The following ARHGAP26 variants were observed in gnomAD, a reference collection of about 807,000 sequenced individuals.
The protein encoded by ARHGAP26 is rho GTPase-activating protein 26.
Under a neutral mutation model 104.8 loss-of-function variants are expected in ARHGAP26, and 38 were observed. The ratio of observed to expected loss-of-function variants is 0.36; its 90% CI spans 0.28 to 0.48. The LOEUF (loss-of-function observed/expected upper bound fraction) is 0.48, where lower values mean the gene tolerates loss of function less well. Among genes scored for constraint, ARHGAP26 ranks in the 20% least tolerant of loss-of-function variants. The pLI is 0.99. For missense variants in ARHGAP26, 704 were observed against 947.9 expected, an observed-to-expected ratio of 0.74 and a Z score of 3.38; for synonymous variants, 341 against 340.0, an observed-to-expected ratio of 1.00 and a Z score of -0.03.
chr5:143,208,617 A>G (rs1020310584), intron 21 of ARHGAP26, among the ~76,000 whole-genome samples: 2 of 152,190 alleles, frequency 1.3e-5, no homozygotes, highest in African/African-American at 2.4e-5. Flanking sequence ...CTTGGACACA[A>G]TGCTATGACT....
At position 143,198,094 on chromosome 5, in the gene ARHGAP26, G is replaced by A. The variant is rs540063612; in HGVS notation, c.1989-9104G>A. The stretch of plus-strand genomic sequence containing the variant: ...GCTTTAGATTATACCCCAGAACAAC[G>A]AAAGATTGGATGTAGTAGCACTATT... On this transcript the variant is annotated intron_variant, in intron 20 of 22. Coordinates refer to ENST00000645722, the MANE Select transcript of ARHGAP26 (RefSeq NM_001135608.3). Among the ~76,000 whole-genome samples the A allele has an allele frequency of 5.9e-5, 9 of 152,268 alleles. No homozygotes were observed. In the East Asian group the frequency reaches 7.7e-4, roughly 13 times the overall value.
intron 5 of ARHGAP26, among the ~76,000 whole-genome samples, chr5:142,887,533 T>A (rs939879623): frequency 6.6e-6 from 1 of 152,212 alleles, no homozygotes; most frequent in African/African-American, 2.4e-5. Context: ...ATTCCTGACT[T>A]TGACAGTTCT....
intron 11 of ARHGAP26, among the ~76,000 whole-genome samples, chr5:142,945,449 G>A (rs559861840): frequency 6.6e-6 from 1 of 152,248 alleles, no homozygotes; most frequent in South Asian, 2.1e-4. Flanking sequence ...GTTAACTACT[G>A]CCCAGTCTTC....
At position 142,770,441 on chromosome 5, in the gene ARHGAP26, C is replaced by T. The variant is rs1754966419; in HGVS notation, c.-321C>T. The T allele has an allele frequency of 2.1e-5, 4 of 193,392 alleles. No homozygotes were observed. Among genetic ancestry groups the T allele is most frequent in the Non-Finnish European group, 4.3e-5 (4 of 92,646 alleles). 12.0% of individuals were successfully genotyped at this position (193,392 alleles called of 1,614,324 possible). A position where few individuals can be genotyped will look rare whatever the true frequency, so the allele number is the denominator to read the frequency against. On this transcript the variant is annotated 5_prime_UTR_variant, in exon 1 of 23. Transcript: ENST00000645722. ...CTCGAGGCTGCCGAGAGCTAGCTAG[C>T]GAAGGAGGCGGGGAGGCGGCGTCTG... is the stretch of plus-strand genomic sequence containing the variant.
intron 20 of ARHGAP26, among the ~76,000 whole-genome samples, chr5:143,160,006 C>T (rs1403081643): frequency 1.4e-5 from 2 of 147,616 alleles, no homozygotes; most frequent in African/African-American, 2.5e-5. Flanking sequence ...TTGAAATGAC[C>T]ATTCATTCAT....
intron 17 of ARHGAP26, among the ~76,000 whole-genome samples, chr5:143,117,432 G>T (rs1459217660): frequency 1.3e-5 from 2 of 152,288 alleles, no homozygotes; most frequent in East Asian, 1.9e-4. Context: ...CTGGAGTAAT[G>T]AACATAGCTG....
chr5:142,785,742 A>T (rs543258111), intron 1 of ARHGAP26, among the ~76,000 whole-genome samples: 8 of 152,316 alleles, frequency 5.3e-5, no homozygotes, highest in African/African-American at 1.7e-4. Context: ...TCTTAACAGG[A>T]AAGCCCTTCT....
At chr5:142,833,119 G>A (rs1768836571) in intron 1 of ARHGAP26, among the ~76,000 whole-genome samples, 1 of 151,882 alleles carries the variant, frequency 6.6e-6, no homozygotes, top group South Asian at 2.1e-4. Flanking sequence ...GCAATGGCAT[G>A]ATCTCTGCTC....
chr5:143,182,689 T>C (rs1292015379), intron 20 of ARHGAP26, among the ~76,000 whole-genome samples: 2 of 152,228 alleles, frequency 1.3e-5, no homozygotes, highest in African/African-American at 2.4e-5. Flanking sequence ...TTTTATATAC[T>C]CATAGCCCTG....
intron 17 of ARHGAP26, among the ~76,000 whole-genome samples, chr5:143,114,840 C>G (rs1401942994): frequency 6.6e-6 from 1 of 152,130 alleles, no homozygotes; most frequent in East Asian, 1.9e-4. Flanking sequence ...TTGGTATGGC[C>G]TCCAATGGTC....
chr5:143,040,588 AC>A (rs144095965), intron 13 of ARHGAP26, among the ~76,000 whole-genome samples: 18,076 of 152,272 alleles, frequency 0.12, 1,460 homozygotes, highest in South Asian at 0.28. Flanking sequence ...CAAATAACAA[AC>A]ATAATTTCAG....
intron 5 of ARHGAP26, among the ~76,000 whole-genome samples, chr5:142,889,473 C>T (rs1322554313): frequency 6.6e-6 from 1 of 152,020 alleles, no homozygotes; most frequent in African/African-American, 2.4e-5. Context: ...AAAAAATTAG[C>T]TAGATGTGGT....
In ARHGAP26 at chr5:143,071,006, G is replaced by A. The variant is rs61130977; in HGVS notation, c.1538+13259G>A. The stretch of plus-strand genomic sequence containing the variant: ...ATGGGACCACAAAAGACCGTGAATA[G>A]CAAAAGCAGTCCTAAGAAAGAACAA... On this transcript the variant is annotated intron_variant, in intron 17 of 22. Transcript: ENST00000645722. 2.5e-3 allele frequency among the ~76,000 whole-genome samples: 377 copies of A among 152,268 alleles called. 2 individuals carry two copies. Among genetic ancestry groups the A allele is most frequent in the African/African-American group, 8.2e-3 (342 of 41,550 alleles).
intron 17 of ARHGAP26, among the ~76,000 whole-genome samples, chr5:143,112,689 A>G (rs1794915620): frequency 6.6e-6 from 1 of 152,192 alleles, no homozygotes; most frequent in Admixed American, 6.5e-5. Context: ...TAAGTACCTC[A>G]TATCAGTAGA....
At chr5:142,977,437 G>A (rs1773266370) in intron 11 of ARHGAP26, among the ~76,000 whole-genome samples, 1 of 152,128 alleles carries the variant, frequency 6.6e-6, no homozygotes, top group Admixed American at 6.5e-5. Flanking sequence ...AACAACAGTG[G>A]AAGAATCCTG....
intron 17 of ARHGAP26, among the ~76,000 whole-genome samples, chr5:143,094,082 T>A (rs1791900429): frequency 6.6e-6 from 1 of 152,194 alleles, no homozygotes; most frequent in African/African-American, 2.4e-5. Flanking sequence ...ACATCCCGAC[T>A]AAGGAATACT....
At chr5:142,962,964 C>A (rs956428860) in intron 11 of ARHGAP26, among the ~76,000 whole-genome samples, 4 of 151,810 alleles carry the variant, frequency 2.6e-5, no homozygotes, top group African/African-American at 9.7e-5. Flanking sequence ...ACCCTCCACT[C>A]TCAAGTAGGC....
At chr5:142,880,222 A>C (rs377494894) in intron 4 of ARHGAP26, among the ~76,000 whole-genome samples, 25 of 152,170 alleles carry the variant, frequency 1.6e-4, no homozygotes, top group African/African-American at 5.6e-4. Context: ...TTTGCCCTGT[A>C]ATAAATCACT....
chr5:142,968,771 T>A (rs950442023), intron 11 of ARHGAP26, among the ~76,000 whole-genome samples: 3 of 152,214 alleles, frequency 2.0e-5, no homozygotes, highest in Admixed American at 6.5e-5. Flanking sequence ...TGTTAATGAG[T>A]TTAGGTGTAT....
Sources: allele counts gnomAD v4.1 joint callset (sites outside exome capture counted in the v4.1 genomes callset), GRCh38; gene constraint gnomAD v4.1.1; transcripts MANE v1.5; gene names NCBI Gene and HGNC (gene_info 2026-07-23, HGNC 2026-07-21).